PRKN: variants seen among roughly 807,000 people sequenced by gnomAD.
PRKN encodes E3 ubiquitin-protein ligase parkin.
A neutral mutation model predicts 59.5 loss-of-function variants in PRKN; 56 were observed. The observed-to-expected ratio is 0.94, with a 90% CI of 0.76 to 1.18. The LOEUF (loss-of-function observed/expected upper bound fraction) is 1.18, where lower values mean the gene tolerates loss of function less well. Among genes scored for constraint, PRKN ranks in the 50% most tolerant of loss-of-function variants. The probability of loss-of-function intolerance (pLI) is 0.00; values close to 1 mark genes in which losing one functional copy is unlikely to be tolerated. For synonymous variants in PRKN, 250 were observed against 222.1 expected (o/e 1.13, Z -1.12); for missense variants, 657 against 596.4 (o/e 1.10, Z -1.06).
intron 1 of PRKN, among the ~76,000 whole-genome samples, chr6:162,517,864 T>C (rs1366424336): frequency 6.6e-6 from 1 of 152,216 alleles, no homozygotes; most frequent in Non-Finnish European, 1.5e-5. Flanking sequence ...GTAGAAGCTG[T>C]AGTTATGAAT....
chr6:162,016,697 T>C (rs1196321143), intron 5 of PRKN, among the ~76,000 whole-genome samples: 2 of 152,126 alleles, frequency 1.3e-5, no homozygotes, highest in African/African-American at 2.4e-5. Flanking sequence ...AATTTATATA[T>C]GGTGAGAGCC....
At chr6:162,709,474 T>A (rs1304976135) in intron 1 of PRKN, among the ~76,000 whole-genome samples, 5 of 152,048 alleles carry the variant, frequency 3.3e-5, no homozygotes, top group African/African-American at 1.2e-4. Flanking sequence ...CAGACTGACT[T>A]ACTGCTTGTT....
intron 4 of PRKN, among the ~76,000 whole-genome samples, chr6:162,128,045 C>CA (rs1781191804): frequency 6.6e-6 from 1 of 152,088 alleles, no homozygotes; most frequent in African/African-American, 2.4e-5. Flanking sequence ...TTCTTATTGC[C>CA]AAAAAACTCC....
At chr6:162,417,796 C>T (rs9295189) in intron 2 of PRKN, among the ~76,000 whole-genome samples, 83,554 of 152,034 alleles carry the variant, frequency 0.55, 23,926 homozygotes, top group African/African-American at 0.71. Context: ...GAGTTAGTGT[C>T]CACGTGGCAG....
chr6:162,395,171 G>A (rs563828197), intron 2 of PRKN, among the ~76,000 whole-genome samples: 1 of 152,322 alleles, frequency 6.6e-6, no homozygotes, highest in Non-Finnish European at 1.5e-5. Context: ...CCTCTTGGTA[G>A]TCATACTCTA....
At chr6:162,235,547 C>T (rs1778617936) in intron 3 of PRKN, among the ~76,000 whole-genome samples, 1 of 152,144 alleles carries the variant, frequency 6.6e-6, no homozygotes, top group African/African-American at 2.4e-5. Flanking sequence ...GTGGCTGAAG[C>T]CTCTAATCCC....
intron 6 of PRKN, among the ~76,000 whole-genome samples, chr6:161,934,774 A>G (rs192396416): frequency 6.6e-6 from 1 of 152,282 alleles, no homozygotes; most frequent in East Asian, 1.9e-4. Flanking sequence ...GTATTAATCT[A>G]GTAAAACAAT....
At chr6:161,751,448 C>A (rs1044584403) in intron 7 of PRKN, among the ~76,000 whole-genome samples, 1 of 152,210 alleles carries the variant, frequency 6.6e-6, no homozygotes, top group Non-Finnish European at 1.5e-5. Context: ...TGCACTAAAT[C>A]TGTACTACAT....
At chr6:162,395,837 T>A (rs374389268) in intron 2 of PRKN, among the ~76,000 whole-genome samples, 33 of 152,304 alleles carry the variant, frequency 2.2e-4, no homozygotes, top group African/African-American at 7.7e-4. Context: ...TGAGCATACA[T>A]ATAGGACTAT....
At chr6:162,522,585 A>T (rs575587227) in intron 1 of PRKN, among the ~76,000 whole-genome samples, 1 of 152,216 alleles carries the variant, frequency 6.6e-6, no homozygotes, top group Non-Finnish European at 1.5e-5. Flanking sequence ...ACCCATTCCA[A>T]TGAATTTGCT....
intron 6 of PRKN, among the ~76,000 whole-genome samples, chr6:161,969,554 C>T (rs1255143464): frequency 3.9e-5 from 6 of 151,988 alleles, no homozygotes; most frequent in Admixed American, 1.3e-4. Context: ...TTAGTGAGGG[C>T]GTTGGCATAA....
intron 1 of PRKN, among the ~76,000 whole-genome samples, chr6:162,577,249 G>GAA: frequency 6.6e-6 from 1 of 151,846 alleles, no homozygotes; most frequent in South Asian, 2.1e-4. Context: ...TCAATAATAG[G>GAA]AAAAAAATCA....
rs149039607 is a variant in PRKN at position 161,822,567 on chromosome 6, G to A, written c.735-36659C>T. On this transcript the variant is annotated intron_variant, in intron 6 of 11. Coordinates refer to ENST00000366898, the MANE Select transcript of PRKN (RefSeq NM_004562.3). ...GGTGTGTGCCTGAAATCCCAGCTAC[G>A]CGGGAGGCTGAGGCAGGAGAATTGC... Among the ~76,000 whole-genome samples, 382 of 152,254 alleles carry A rather than the reference G, an allele frequency of 2.5e-3. 1 individual carries two copies. The highest frequency in any genetic ancestry group is 3.9e-3 in the Non-Finnish European group (263 of 68,026).
intron 6 of PRKN, among the ~76,000 whole-genome samples, chr6:161,957,671 C>A (rs1338876214): frequency 6.6e-6 from 1 of 152,168 alleles, no homozygotes; most frequent in Non-Finnish European, 1.5e-5. Context: ...GATCCACCCG[C>A]CTCGGCCTCC....
At chr6:162,560,453 T>A (rs976329331) in intron 1 of PRKN, among the ~76,000 whole-genome samples, 1 of 152,208 alleles carries the variant, frequency 6.6e-6, no homozygotes, top group Non-Finnish European at 1.5e-5. Context: ...GTCAAAGACA[T>A]GCAGAGGCCA....
intron 7 of PRKN, among the ~76,000 whole-genome samples, chr6:161,639,341 C>G (rs1346539449): frequency 6.6e-6 from 1 of 152,112 alleles, no homozygotes; most frequent in Non-Finnish European, 1.5e-5. Flanking sequence ...GGATCGAGTA[C>G]GTTCACATCT....
rs1784775947 is a variant in PRKN, at chr6:161,356,835, G to A, written c.1285+3253C>T. Among the ~76,000 whole-genome samples the A allele has an allele frequency of 6.6e-6, 1 of 152,106 alleles. No homozygotes were observed. Among genetic ancestry groups the A allele is most frequent in the Admixed American group, 6.5e-5 (1 of 15,276 alleles). On this transcript the variant is annotated intron_variant, in intron 11 of 11. Coordinates refer to ENST00000366898, the MANE Select transcript of PRKN (RefSeq NM_004562.3). The surrounding 1 kb of genome is among the most constrained non-coding windows in gnomAD (Gnocchi z 7.8). ...GACACTAAGGAAGCAGCTGGCTATT[G>A]GAGTCGGACCGAGGGGCGAGATGAG...
intron 7 of PRKN, among the ~76,000 whole-genome samples, chr6:161,770,089 C>T (rs1789600655): frequency 6.6e-6 from 1 of 152,202 alleles, no homozygotes; most frequent in African/African-American, 2.4e-5. Context: ...CATCCTGAAA[C>T]GTCTGCTAGT....
intron 9 of PRKN, among the ~76,000 whole-genome samples, chr6:161,464,689 C>G (rs1395966153): frequency 6.6e-6 from 1 of 152,154 alleles, no homozygotes; most frequent in Non-Finnish European, 1.5e-5. Flanking sequence ...TGTTCATTAG[C>G]AGACAAATAG....
Sources: allele counts gnomAD v4.1 joint callset (sites outside exome capture counted in the v4.1 genomes callset), GRCh38; gene constraint gnomAD v4.1.1; non-coding constraint Gnocchi (gnomAD v3.1); transcripts MANE v1.5; gene names NCBI Gene and HGNC (gene_info 2026-07-23, HGNC 2026-07-21).